CNBD1: variants seen among roughly 807,000 people sequenced by gnomAD.
The protein encoded by CNBD1 is cyclic nucleotide binding domain containing 1, also known as cyclic nucleotide-binding domain-containing protein 1.
In CNBD1, 71 loss-of-function variants were observed where a neutral mutation model predicts 54.4. The observed-to-expected ratio is 1.30, with a 90% CI of 1.08 to 1.59. The LOEUF is 1.59. CNBD1 is among the 40% of genes most tolerant of loss of function. The pLI is 0.00. For synonymous variants in CNBD1, 182 were observed against 170.7 expected, an observed-to-expected ratio of 1.07 and a Z score of -0.51; for missense variants, 659 against 518.0, an observed-to-expected ratio of 1.27 and a Z score of -2.64.
At chr8:86,876,274 T>G (rs1385530230) in intron 1 of CNBD1, among the ~76,000 whole-genome samples, 3 of 152,156 alleles carry the variant, frequency 2.0e-5, no homozygotes, top group Non-Finnish European at 2.9e-5. Flanking sequence ...ATTAATTTAC[T>G]TAGGCTTTTC....
At chr8:87,061,407 G>C (rs1480990709) in intron 4 of CNBD1, among the ~76,000 whole-genome samples, 1 of 152,148 alleles carries the variant, frequency 6.6e-6, no homozygotes. Flanking sequence ...AATGCTCTAC[G>C]ATCCCCATAA....
In CNBD1 at chr8:86,965,103, C is replaced by T. The variant is rs183200741; in HGVS notation, c.431+25349C>T. Among the ~76,000 whole-genome samples the T allele has an allele frequency of 1.4e-3, 220 of 152,258 alleles. 1 individual carries two copies. Among genetic ancestry groups the T allele is most frequent in the African/African-American group, 5.2e-3 (214 of 41,552 alleles). ...TTTCTTTGTCTGTGCTACTCTTAAC[C>T]TTATATTATATACTTTCAATGACTA... On this transcript the variant is annotated intron_variant, in intron 4 of 10. Transcript: ENST00000518476.
intron 2 of CNBD1, among the ~76,000 whole-genome samples, chr8:87,415,825 G>GA (rs141630653): frequency 0.018 from 2,764 of 151,914 alleles, 83 homozygotes; most frequent in African/African-American, 0.06. Context: ...AAAGATGCAA[G>GA]TAAGACAAAT....
intron 4 of CNBD1, among the ~76,000 whole-genome samples, chr8:87,094,792 C>A (rs1811284638): frequency 6.6e-6 from 1 of 152,234 alleles, no homozygotes; most frequent in Non-Finnish European, 1.5e-5. Context: ...AATCCTAGCA[C>A]TTTGGGAGGC....
At position 87,143,639 on chromosome 8, in the gene CNBD1, T is replaced by G. The variant is rs183681442; in HGVS notation, c.432-62354T>G. Among the ~76,000 whole-genome samples, 608 of 152,322 alleles carry G rather than the reference T, an allele frequency of 4.0e-3. 5 individuals are homozygous for G. Among genetic ancestry groups the G allele is most frequent in the Non-Finnish European group, 6.3e-3 (428 of 68,034 alleles). ...TGTCTTATAAAATTTATACTTATTA[T>G]TAAGGAATCAGAGCATTTAAAAAAT... On this transcript the variant is annotated intron_variant, in intron 4 of 10. Transcript: ENST00000518476.
intron 4 of CNBD1, among the ~76,000 whole-genome samples, chr8:86,983,866 A>G (rs1038371080): frequency 6.6e-6 from 1 of 152,196 alleles, no homozygotes; most frequent in South Asian, 2.1e-4. Context: ...TGACAATTTG[A>G]TAGAAAAGAA....
chr8:87,275,823 C>A, intron 6 of CNBD1, among the ~76,000 whole-genome samples: 1 of 151,486 alleles, frequency 6.6e-6, no homozygotes, highest in Non-Finnish European at 1.5e-5. Context: ...TCTAGAAAAC[C>A]CCATTGTCTC....
At chr8:87,201,702 T>C (rs971819966) in intron 4 of CNBD1, among the ~76,000 whole-genome samples, 7 of 152,158 alleles carry the variant, frequency 4.6e-5, no homozygotes, top group Non-Finnish European at 1.0e-4. Flanking sequence ...CTGTTGAAGG[T>C]AAAGACGGTC....
At chr8:87,402,436 A>G (rs1449784711) in intron 2 of CNBD1, among the ~76,000 whole-genome samples, 1 of 152,080 alleles carries the variant, frequency 6.6e-6, no homozygotes, top group Non-Finnish European at 1.5e-5. Context: ...TACATCAATT[A>G]ATTTCCATTT....
At chr8:87,175,588 G>A (rs764822059) in intron 4 of CNBD1, among the ~76,000 whole-genome samples, 4 of 152,122 alleles carry the variant, frequency 2.6e-5, no homozygotes, top group Non-Finnish European at 5.9e-5. Flanking sequence ...CCCCCTGAGT[G>A]GCCATCAAGA....
chr8:87,414,629 A>G (rs1052216752), intron 2 of CNBD1, among the ~76,000 whole-genome samples: 4 of 152,098 alleles, frequency 2.6e-5, no homozygotes, highest in African/African-American at 9.7e-5. Flanking sequence ...ATCATGTAAC[A>G]TATAATAACA....
chr8:87,044,137 A>G (rs1810131408), intron 4 of CNBD1, among the ~76,000 whole-genome samples: 1 of 152,004 alleles, frequency 6.6e-6, no homozygotes, highest in Non-Finnish European at 1.5e-5. Flanking sequence ...TTGGTTTTCT[A>G]CAGAAGCATA....
intron 1 of CNBD1, among the ~76,000 whole-genome samples, chr8:86,874,914 T>C (rs749489847): frequency 2.0e-5 from 3 of 150,310 alleles, no homozygotes; most frequent in Non-Finnish European, 4.4e-5. Context: ...TAGGATGCCA[T>C]TACTCCCAGG....
chr8:87,028,490 TC>T (rs1423265975), intron 4 of CNBD1, among the ~76,000 whole-genome samples: 1 of 152,188 alleles, frequency 6.6e-6, no homozygotes, highest in Non-Finnish European at 1.5e-5. Context: ...AGAAGGCCAA[TC>T]ACTGAGACAA....
intron 4 of CNBD1, among the ~76,000 whole-genome samples, chr8:87,179,148 A>T (rs1460226206): frequency 1.3e-5 from 2 of 152,162 alleles, no homozygotes; most frequent in Non-Finnish European, 2.9e-5. Context: ...TGACCTCGTG[A>T]TCCACCCGCC....
chr8:87,278,126 T>C (rs1808521610), intron 6 of CNBD1, among the ~76,000 whole-genome samples: 2 of 151,454 alleles, frequency 1.3e-5, no homozygotes, highest in Non-Finnish European at 1.5e-5. Context: ...TAGTAGAACA[T>C]GTCATAAGTA....
chr8:86,990,072 C>T (rs150126142), intron 4 of CNBD1, among the ~76,000 whole-genome samples: 6 of 152,114 alleles, frequency 3.9e-5, no homozygotes, highest in South Asian at 2.1e-4. Flanking sequence ...TAGAATTGTT[C>T]AAGTTTCTTA....
At chr8:87,055,195 A>C (rs1412240423) in intron 4 of CNBD1, among the ~76,000 whole-genome samples, 1 of 152,212 alleles carries the variant, frequency 6.6e-6, no homozygotes, top group African/African-American at 2.4e-5. Context: ...AAGTTTAATA[A>C]GCAAAAGAAG....
intron 3 of CNBD1, among the ~76,000 whole-genome samples, chr8:86,918,843 G>A (rs1328604693): frequency 6.9e-6 from 1 of 145,198 alleles, no homozygotes; most frequent in Non-Finnish European, 1.5e-5. Flanking sequence ...GTGCAATTTT[G>A]TGTAGGCATC....
Sources: allele counts gnomAD v4.1 joint callset (sites outside exome capture counted in the v4.1 genomes callset), GRCh38; gene constraint gnomAD v4.1.1; transcripts MANE v1.5; gene names NCBI Gene and HGNC (gene_info 2026-07-23, HGNC 2026-07-21).